PDLIM5: variants seen among roughly 807,000 people sequenced by gnomAD.
PDLIM5 encodes the protein PDZ and LIM domain protein 5.
In PDLIM5, 34 loss-of-function variants were observed where a neutral mutation model predicts 64.2. The ratio of observed to expected loss-of-function variants is 0.53; its 90% CI spans 0.40 to 0.71. The LOEUF (loss-of-function observed/expected upper bound fraction) is 0.71. PDLIM5 is among the 30% of genes least tolerant of loss of function. The pLI is 0.00. For missense variants in PDLIM5, 683 were observed against 733.6 expected, an observed-to-expected ratio of 0.93 and a Z score of 0.80; for synonymous variants, 253 against 269.1, an observed-to-expected ratio of 0.94 and a Z score of 0.59.
At chr4:94,505,391 TG>T (rs1728302812) in intron 2 of PDLIM5, among the ~76,000 whole-genome samples, 1 of 152,168 alleles carries the variant, frequency 6.6e-6, no homozygotes, top group Non-Finnish European at 1.5e-5. Flanking sequence ...CCCGAGTAGC[TG>T]GGATTACAGT....
intron 3 of PDLIM5, among the ~76,000 whole-genome samples, chr4:94,527,046 CTTTT>C (rs57625095): frequency 8.6e-5 from 5 of 57,810 alleles, no homozygotes; most frequent in South Asian, 6.4e-4. Flanking sequence ...GAACAGCATT[CTTTT>C]TTTTTTTTTT....
chr4:94,452,849 C>T (rs773509686), intron 1 of PDLIM5, among the ~76,000 whole-genome samples: 64 of 152,192 alleles, frequency 4.2e-4, no homozygotes, highest in Non-Finnish European at 8.4e-4. Flanking sequence ...CTTATTTGGC[C>T]AACAAGGCTA....
Position 94,593,299 on chromosome 4 carries a change from T to G in PDLIM5, c.920+6855T>G, listed in dbSNP as rs117470629. Among the ~76,000 whole-genome samples the G allele has an allele frequency of 5.3e-3, 814 of 152,294 alleles. 14 individuals carry two copies. The East Asian group carries it at 0.056, about 10-fold the overall frequency. On this transcript the variant is annotated intron_variant, in intron 7 of 12. Transcript: ENST00000317968. ...TAAAATTCATCTCTGGTGAACTGTT[T>G]CTTCAGTTAGAAATATACTGTTTTC...
At chr4:94,516,265 T>G (rs765805062) in intron 2 of PDLIM5, among the ~76,000 whole-genome samples, 2 of 152,154 alleles carry the variant, frequency 1.3e-5, no homozygotes, top group African/African-American at 2.4e-5. Context: ...TAAGGGAGGA[T>G]GACACGTACT....
intron 7 of PDLIM5, among the ~76,000 whole-genome samples, chr4:94,616,862 A>G (rs749899362): frequency 6.6e-6 from 1 of 152,226 alleles, no homozygotes; most frequent in Non-Finnish European, 1.5e-5. Flanking sequence ...GACCACTCCT[A>G]GGTTTATTGT....
intron 12 of PDLIM5, 72 bp from the exon 13 acceptor site, chr4:94,663,906 C>T: frequency 6.7e-7 from 1 of 1,493,012 alleles, no homozygotes; most frequent in Non-Finnish European, 9.1e-7. Context: ...CTCTCTCCTT[C>T]TCCAGCATAC....
chr4:94,511,852 A>G (rs1728910465), intron 2 of PDLIM5, among the ~76,000 whole-genome samples: 1 of 152,088 alleles, frequency 6.6e-6, no homozygotes, highest in Non-Finnish European at 1.5e-5. Context: ...TATATGTATC[A>G]CATTTTCTTT....
chr4:94,658,742 C>T (rs982009479), intron 11 of PDLIM5, among the ~76,000 whole-genome samples: 3 of 152,182 alleles, frequency 2.0e-5, no homozygotes, highest in South Asian at 4.2e-4. Flanking sequence ...GGATATATTC[C>T]AGACTGTCTC....
intron 1 of PDLIM5, among the ~76,000 whole-genome samples, chr4:94,452,505 C>G (rs924475229): frequency 1.3e-5 from 2 of 152,252 alleles, no homozygotes; most frequent in African/African-American, 4.8e-5. Flanking sequence ...ATTTATTTCT[C>G]CCCCAGATAT....
At chr4:94,591,598 A>G (rs1008326101) in intron 7 of PDLIM5, among the ~76,000 whole-genome samples, 3 of 152,188 alleles carry the variant, frequency 2.0e-5, no homozygotes, top group African/African-American at 7.2e-5. Context: ...GCAGTGAACT[A>G]ATTGATAAGT....
intron 8 of PDLIM5, among the ~76,000 whole-genome samples, chr4:94,636,926 T>G (rs1278559263): frequency 6.6e-6 from 1 of 151,768 alleles, no homozygotes; most frequent in African/African-American, 2.4e-5. Flanking sequence ...AGGTGAGGAG[T>G]GTTACTTCTA....
At chr4:94,562,716 A>G (rs1733953829) in intron 3 of PDLIM5, among the ~76,000 whole-genome samples, 1 of 152,140 alleles carries the variant, frequency 6.6e-6, no homozygotes, top group Non-Finnish European at 1.5e-5. Context: ...TCATTTCTTA[A>G]TCTATTAGAT....
At chr4:94,474,926 A>C (rs886788976) in intron 2 of PDLIM5, among the ~76,000 whole-genome samples, 1 of 152,216 alleles carries the variant, frequency 6.6e-6, no homozygotes, top group African/African-American at 2.4e-5. Context: ...CGCTGGGATT[A>C]CAGAAATGAG....
chr4:94,621,518 T>G (rs534604460), intron 8 of PDLIM5, among the ~76,000 whole-genome samples: 1 of 152,334 alleles, frequency 6.6e-6, no homozygotes, highest in African/African-American at 2.4e-5. Flanking sequence ...ACTAAATTTC[T>G]GAGGTAGAAA....
At chr4:94,660,193 C>T (rs12331809) in intron 11 of PDLIM5, among the ~76,000 whole-genome samples, 35,130 of 152,030 alleles carry the variant, frequency 0.23, 4,434 homozygotes, top group African/African-American at 0.33. Context: ...CCACCGCGCC[C>T]GGCCAAATTA....
At chr4:94,610,015 C>T (rs1222016195) in intron 7 of PDLIM5, 121 of 537,852 alleles carry the variant, frequency 2.2e-4, no homozygotes, top group Admixed American at 3.7e-5. Context: ...GACTAAATGG[C>T]CTGAACTCCT....
At chr4:94,657,660 T>C in intron 11 of PDLIM5, 113 bp downstream of exon 11, 1 of 779,144 alleles carries the variant, frequency 1.3e-6, no homozygotes, top group Non-Finnish European at 2.0e-6. Flanking sequence ...CTTAATTGTT[T>C]TGGAAGCATT....
rs1064238 is a variant in PDLIM5 at position 94,618,039 on chromosome 4, C to T, written c.956C>T (p.Ser319Leu). 7.5e-6 allele frequency: 12 copies of T among 1,592,920 alleles called. No individual in the cohort carries two copies. The highest frequency in any genetic ancestry group is 3.4e-5 in the South Asian group (3 of 87,628). ...SQEPSPQLAS[S>L]VASTRSMPES... is the part of the protein sequence containing the mutation. ...GAGCCTTCTCCGCAGTTGGCTTCCT[C>T]GGTAGCTTCCACACGGAGCATGCCC... The change falls in exon 8 of 13, where the codon TCG (serine) becomes TTG (leucine). Residue 319 changes from serine to leucine, a missense_variant. Physicochemically the swap from Ser to Leu is moderately radical, Grantham distance 145. Transcript: ENST00000317968.
intron 2 of PDLIM5, among the ~76,000 whole-genome samples, chr4:94,512,107 A>C (rs1450720380): frequency 1.3e-5 from 2 of 150,856 alleles, no homozygotes; most frequent in African/African-American, 4.9e-5. Context: ...TGCAACGTCC[A>C]CCTCCCAGGT....
Sources: allele counts gnomAD v4.1 joint callset (sites outside exome capture counted in the v4.1 genomes callset), GRCh38; gene constraint gnomAD v4.1.1; transcripts MANE v1.5; gene names NCBI Gene and HGNC (gene_info 2026-07-23, HGNC 2026-07-21).